ATP8B4: variants seen among roughly 807,000 people sequenced by gnomAD.
The protein encoded by ATP8B4 is ATPase phospholipid transporting 8B4 (putative), also known as probable phospholipid-transporting ATPase IM.
Under a neutral mutation model 145.6 loss-of-function variants are expected in ATP8B4, and 133 were observed. That is an observed-to-expected ratio of 0.91 (90% CI 0.79 to 1.05). The LOEUF (loss-of-function observed/expected upper bound fraction) is 1.05. ATP8B4 is among the 50% of genes least tolerant of loss of function. The pLI is 0.00. For synonymous variants in ATP8B4, 507 were observed against 492.9 expected (o/e 1.03, Z -0.38); for missense variants, 1,458 against 1,425.2 (o/e 1.02, Z -0.37).
chr15:49,986,530 TTAGAGGAATTGGGAGAACGTTTCTA>T (rs1456166812), intron 10 of ATP8B4, among the ~76,000 whole-genome samples: 1 of 152,176 alleles, frequency 6.6e-6, no homozygotes, highest in Non-Finnish European at 1.5e-5. Flanking sequence ...CTGACAGTAT[TTAGAGGAATTGGGAGAACGTTTCTA>T]GGTTTGGAAC....
At chr15:50,106,832 A>G in intron 2 of ATP8B4, 107 bp downstream of exon 2, 1 of 1,102,692 alleles carries the variant, frequency 9.1e-7, no homozygotes, top group African/African-American at 1.6e-5. Flanking sequence ...ACTGAGCTGA[A>G]CACCTAGACC....
intron 27 of ATP8B4, 106 bp downstream of exon 27, chr15:49,862,139 G>T: frequency 2.9e-6 from 4 of 1,393,776 alleles, no homozygotes; most frequent in Non-Finnish European, 3.9e-6. Context: ...GTGTTTGCTT[G>T]TGACAATTTC....
At chr15:49,905,978 GCA>G (rs1225672933) in intron 20 of ATP8B4, among the ~76,000 whole-genome samples, 1 of 149,546 alleles carries the variant, frequency 6.7e-6, no homozygotes, top group African/African-American at 2.6e-5. Context: ...ACACACACAT[GCA>G]CACACACTTT....
intron 1 of ATP8B4, among the ~76,000 whole-genome samples, chr15:50,180,190 T>G (rs1332087377): frequency 1.3e-5 from 2 of 152,188 alleles, no homozygotes; most frequent in Non-Finnish European, 2.9e-5. Flanking sequence ...AGGGATTTTT[T>G]TTTTTATGAG....
chr15:50,180,230 T>C (rs1461232620), intron 1 of ATP8B4, among the ~76,000 whole-genome samples: 1 of 152,158 alleles, frequency 6.6e-6, no homozygotes, highest in African/African-American at 2.4e-5. Context: ...CCTGTACTTC[T>C]CTCTGAAGTT....
chr15:50,148,086 C>T (rs372717592), intron 1 of ATP8B4, among the ~76,000 whole-genome samples: 1 of 152,246 alleles, frequency 6.6e-6, no homozygotes. Context: ...GCCTCCTGGT[C>T]TGACACACTG....
chr15:50,149,191 T>A (rs938805678), intron 1 of ATP8B4, among the ~76,000 whole-genome samples: 1 of 152,202 alleles, frequency 6.6e-6, no homozygotes. Flanking sequence ...CAGCCTAAGA[T>A]AATGCCATGA....
At chr15:50,013,257 G>A (rs555666510) in intron 6 of ATP8B4, among the ~76,000 whole-genome samples, 15 of 152,232 alleles carry the variant, frequency 9.9e-5, no homozygotes, top group African/African-American at 3.6e-4. Context: ...CTCTACATGT[G>A]TGATGCAGCT....
intron 23 of ATP8B4, among the ~76,000 whole-genome samples, chr15:49,888,326 C>T (rs554010623): frequency 5.3e-5 from 8 of 152,238 alleles, no homozygotes; most frequent in African/African-American, 1.4e-4. Context: ...CAGTCTTTCA[C>T]GTCACTTTCC....
At position 49,879,424 on chromosome 15, in the gene ATP8B4, G is replaced by A. The variant is rs1316181790; in HGVS notation, c.2733C>T (p.Asn911=). The part of the protein sequence containing the change: ...VYDQWFITLF[N]IVYTSLPVLA... Reference sequence around the variant, plus strand: ...AAACAGGCAGTGATGTGTAAACAATGTTAAAAAGGGTGATGAACCACTGGT... The same window carrying A: ...AAACAGGCAGTGATGTGTAAACAATATTAAAAAGGGTGATGAACCACTGGT... The change falls in exon 24 of 28, where the codon AAC becomes AAT. Residue 911 remains asparagine (N), a synonymous_variant. Transcript: ENST00000284509. The A allele has an allele frequency of 1.2e-6, 2 of 1,612,914 alleles. No homozygotes were observed. Among genetic ancestry groups the A allele is most frequent in the Non-Finnish European group, 1.7e-6 (2 of 1,179,312 alleles).
intron 1 of ATP8B4, among the ~76,000 whole-genome samples, chr15:50,150,409 C>T (rs2044333059): frequency 6.6e-6 from 1 of 152,198 alleles, no homozygotes; most frequent in Non-Finnish European, 1.5e-5. Context: ...AGAACTTTCA[C>T]ACTTCCCTCC....
rs117448429 is a variant in ATP8B4, at chr15:49,945,085, T to C, written c.1288-10903A>G. ...GGAAGTTCATAGCAATAAATGCATA[T>C]AATTAAAAGAAGAACGATCTCAGAC... On this transcript the variant is annotated intron_variant, in intron 14 of 27. Coordinates refer to ENST00000284509, the MANE Select transcript of ATP8B4 (RefSeq NM_024837.4). Among the ~76,000 whole-genome samples, 41 of 152,160 alleles carry C rather than the reference T, an allele frequency of 2.7e-4. No individual in the cohort carries two copies. In the East Asian group the frequency reaches 7.3e-3, roughly 27 times the overall value.
At chr15:49,979,932 CTCT>C (rs962834401) in intron 11 of ATP8B4, 119 bp from the exon 12 acceptor site, 3 of 603,550 alleles carry the variant, frequency 5.0e-6, no homozygotes, top group African/African-American at 1.8e-5. Flanking sequence ...GTATGCAAAC[CTCT>C]TCTTACCATT....
intron 20 of ATP8B4, among the ~76,000 whole-genome samples, chr15:49,904,420 A>G (rs372333498): frequency 1.6e-3 from 243 of 152,340 alleles, no homozygotes; most frequent in African/African-American, 5.8e-3. Context: ...AGCAGTCAAA[A>G]TAGATCATGA....
At chr15:50,001,702 T>C (rs2047906329) in intron 8 of ATP8B4, among the ~76,000 whole-genome samples, 1 of 152,234 alleles carries the variant, frequency 6.6e-6, no homozygotes, top group Admixed American at 6.5e-5. Flanking sequence ...TCTAAATTAA[T>C]ATCAACATCA....
Position 50,074,022 on chromosome 15 carries a change from T to A in ATP8B4, c.87+105A>T. ...TCACCTTGCTGTCAAAATGGGCCAA[T>A]GAAGAAAGTTTTTGGTGAAGTCATA... On this transcript the variant is annotated intron_variant, in intron 3 of 27. Transcript: ENST00000284509. 3.3e-6 allele frequency: 3 copies of A among 897,058 alleles called. No individual in the cohort carries two copies. The South Asian group carries it at 5.4e-5, about 16-fold the overall frequency. 55.6% of individuals were successfully genotyped at this position (897,058 alleles called of 1,614,324 possible).
intron 25 of ATP8B4, among the ~76,000 whole-genome samples, chr15:49,874,863 A>G (rs1304753783): frequency 6.6e-6 from 1 of 152,216 alleles, no homozygotes; most frequent in African/African-American, 2.4e-5. Flanking sequence ...TCAACATTCA[A>G]CTGGAATAAG....
intron 23 of ATP8B4, among the ~76,000 whole-genome samples, chr15:49,894,222 C>G (rs972294633): frequency 1.8e-4 from 28 of 152,254 alleles, no homozygotes; most frequent in African/African-American, 6.7e-4. Flanking sequence ...CTTAACATAC[C>G]CAGGACATAA....
chr15:50,179,334 G>A (rs1310129390), intron 1 of ATP8B4, among the ~76,000 whole-genome samples: 1 of 152,150 alleles, frequency 6.6e-6, no homozygotes, highest in Non-Finnish European at 1.5e-5. Flanking sequence ...GGCAGCCAAC[G>A]TGCTAAGCTA....
Sources: gnomAD v4.1 joint callset for allele counts (sites outside exome capture counted in the v4.1 genomes callset) on GRCh38, gnomAD v4.1.1 for gene constraint, MANE v1.5 for transcripts, NCBI Gene and HGNC (gene_info 2026-07-23, HGNC 2026-07-21) for gene names.